CTNNA2: variants seen among roughly 807,000 people sequenced by gnomAD.
CTNNA2 encodes catenin alpha-2.
A neutral mutation model predicts 101.0 loss-of-function variants in CTNNA2; 42 were observed. The observed-to-expected ratio is 0.42, with a 90% CI of 0.32 to 0.54. CTNNA2 has a LOEUF of 0.54. Among genes scored for constraint, CTNNA2 ranks in the 20% least tolerant of loss-of-function variants. CTNNA2 has a pLI of 0.14. For synonymous variants in CTNNA2, 450 were observed against 456.4 expected (o/e 0.99, Z 0.18); for missense variants, 871 against 1,223.1 (o/e 0.71, Z 4.29).
intron 18 of CTNNA2, among the ~76,000 whole-genome samples, chr2:80,627,450 C>T (rs1671801325): frequency 1.3e-5 from 2 of 152,102 alleles, no homozygotes; most frequent in African/African-American, 2.4e-5. Flanking sequence ...CTTTGATTTG[C>T]ATTTCTCTAA....
chr2:80,155,679 G>A (rs1311681245), intron 7 of CTNNA2, among the ~76,000 whole-genome samples: 1 of 152,154 alleles, frequency 6.6e-6, no homozygotes, highest in Non-Finnish European at 1.5e-5. Context: ...TATTGCAACT[G>A]TGTGACACCT....
At chr2:79,867,305 TTTC>T (rs1449150799) in intron 4 of CTNNA2, among the ~76,000 whole-genome samples, 2 of 151,790 alleles carry the variant, frequency 1.3e-5, no homozygotes, top group Admixed American at 6.6e-5. Flanking sequence ...AAACTTATTT[TTTC>T]TTCTTTTTCT....
At chr2:80,338,750 G>A (rs1484382263) in intron 7 of CTNNA2, among the ~76,000 whole-genome samples, 2 of 152,110 alleles carry the variant, frequency 1.3e-5, no homozygotes, top group Admixed American at 6.5e-5. Flanking sequence ...AAAGTGAATG[G>A]TGCCAACTTA....
chr2:80,175,587 C>G (rs1401074973), intron 7 of CTNNA2, among the ~76,000 whole-genome samples: 1 of 152,146 alleles, frequency 6.6e-6, no homozygotes, highest in Non-Finnish European at 1.5e-5. Flanking sequence ...TTCCTGCTCT[C>G]TCATGTTGTA....
intron 7 of CTNNA2, among the ~76,000 whole-genome samples, chr2:80,282,548 T>C (rs1395668321): frequency 1.3e-5 from 2 of 152,128 alleles, no homozygotes; most frequent in Non-Finnish European, 2.9e-5. Flanking sequence ...TGCAACAATA[T>C]CAACCATGGG....
intron 4 of CTNNA2, among the ~76,000 whole-genome samples, chr2:79,494,416 G>T (rs1671234742): frequency 6.6e-6 from 1 of 151,872 alleles, no homozygotes; most frequent in African/African-American, 2.4e-5. Flanking sequence ...AAAACATACT[G>T]CAAGCTACAG....
intron 7 of CTNNA2, among the ~76,000 whole-genome samples, chr2:80,312,701 G>T (rs1272412371): frequency 6.6e-6 from 1 of 152,212 alleles, no homozygotes; most frequent in African/African-American, 2.4e-5. Flanking sequence ...TGTCTGCTCT[G>T]TCTCTGATAT....
At chr2:79,482,730 A>T (rs1671122111) in intron 4 of CTNNA2, among the ~76,000 whole-genome samples, 1 of 152,212 alleles carries the variant, frequency 6.6e-6, no homozygotes, top group Non-Finnish European at 1.5e-5. Context: ...TAATTCATTT[A>T]TGCCAAGAGA....
chr2:79,197,225 TAGCAAGAAAGTC>T (rs1458927698), intron 1 of CTNNA2, among the ~76,000 whole-genome samples: 1 of 152,200 alleles, frequency 6.6e-6, no homozygotes, highest in Non-Finnish European at 1.5e-5. Context: ...GAGCTTGCTA[TAGCAAGAAAGTC>T]AGCCACCATC....
chr2:79,881,947 G>A (rs191543151), intron 6 of CTNNA2, among the ~76,000 whole-genome samples: 125 of 150,946 alleles, frequency 8.3e-4, no homozygotes, highest in African/African-American at 2.9e-3. Flanking sequence ...GCTGGTACTG[G>A]GTTTCCTTTC....
At chr2:79,894,003 T>C (rs1279918660) in intron 6 of CTNNA2, among the ~76,000 whole-genome samples, 6 of 79,274 alleles carry the variant, frequency 7.6e-5, no homozygotes, top group Admixed American at 2.5e-4. Flanking sequence ...CTTCTTCTTC[T>C]TCTTCTTCTT....
intron 9 of CTNNA2, among the ~76,000 whole-genome samples, chr2:80,532,970 G>A (rs949769493): frequency 2.0e-5 from 3 of 152,110 alleles, no homozygotes; most frequent in Non-Finnish European, 2.9e-5. Flanking sequence ...TTGGAACTAC[G>A]TTTATAGCTA....
At chr2:79,896,322 A>G (rs1379642579) in intron 6 of CTNNA2, among the ~76,000 whole-genome samples, 1 of 152,058 alleles carries the variant, frequency 6.6e-6, no homozygotes, top group African/African-American at 2.4e-5. Context: ...GTCATATGAC[A>G]ATAGGTTACT....
chr2:80,182,633 G>A (rs910968275), intron 7 of CTNNA2, among the ~76,000 whole-genome samples: 2 of 152,170 alleles, frequency 1.3e-5, no homozygotes, highest in Admixed American at 1.3e-4. Flanking sequence ...AAATCAAATA[G>A]GGTGGTGTGA....
intron 2 of CTNNA2, among the ~76,000 whole-genome samples, chr2:79,720,663 T>C (rs1405200848): frequency 6.6e-6 from 1 of 152,098 alleles, no homozygotes; most frequent in Non-Finnish European, 1.5e-5. Flanking sequence ...TAAATAGCAG[T>C]GTGTTCTTGA....
At chr2:80,631,172 T>C (rs1166993552) in intron 18 of CTNNA2, among the ~76,000 whole-genome samples, 1 of 152,180 alleles carries the variant, frequency 6.6e-6, no homozygotes, top group Non-Finnish European at 1.5e-5. Context: ...GAGGAAACTT[T>C]CATCTTAATA....
chr2:79,748,340 A>G (rs1671780829), intron 3 of CTNNA2, among the ~76,000 whole-genome samples: 1 of 152,244 alleles, frequency 6.6e-6, no homozygotes, highest in East Asian at 1.9e-4. Flanking sequence ...TCTATCATAG[A>G]AATCTGTTTT....
At chr2:79,862,336 C>T (rs1373903163) in intron 4 of CTNNA2, among the ~76,000 whole-genome samples, 2 of 151,840 alleles carry the variant, frequency 1.3e-5, no homozygotes, top group East Asian at 1.9e-4. Flanking sequence ...GGGTGGGGGG[C>T]ATTGATGAGA....
intron 7 of CTNNA2, among the ~76,000 whole-genome samples, chr2:80,245,769 A>G (rs1224623227): frequency 3.0e-5 from 3 of 99,510 alleles, no homozygotes; most frequent in South Asian, 3.2e-4. Flanking sequence ...TTGAACAACC[A>G]TTTAAAACTG....
Sources: allele counts gnomAD v4.1 joint callset (sites outside exome capture counted in the v4.1 genomes callset), GRCh38; gene constraint gnomAD v4.1.1; transcripts MANE v1.5; gene names NCBI Gene and HGNC (gene_info 2026-07-23, HGNC 2026-07-21).